The following LHFPL3 variants were observed in gnomAD, a reference collection of about 807,000 sequenced individuals.
LHFPL3 encodes the protein LHFPL tetraspan subfamily member 3 protein.
In LHFPL3, 5 loss-of-function variants were observed where a neutral mutation model predicts 19.3. The observed-to-expected ratio is 0.26, with a 90% CI of 0.14 to 0.54. LHFPL3 has a LOEUF of 0.54. Among genes scored for constraint, LHFPL3 ranks in the 20% least tolerant of loss-of-function variants. The pLI, the probability that LHFPL3 is intolerant of heterozygous loss-of-function variation, is 0.94. For missense variants in LHFPL3, 249 were observed against 307.4 expected, an observed-to-expected ratio of 0.81 and a Z score of 1.42; for synonymous variants, 133 against 126.2, an observed-to-expected ratio of 1.05 and a Z score of -0.36.
At chr7:104,884,985 GGGAGAGGGAAGA>G (rs1337865749) in intron 2 of LHFPL3, among the ~76,000 whole-genome samples, 1 of 152,158 alleles carries the variant, frequency 6.6e-6, no homozygotes, top group African/African-American at 2.4e-5. Flanking sequence ...CAGCAGGCAG[GGGAGAGGGAAGA>G]GGAGAGGAAG....
intron 1 of LHFPL3, among the ~76,000 whole-genome samples, chr7:104,463,117 A>G (rs146907078): frequency 7.1e-4 from 108 of 152,124 alleles, no homozygotes; most frequent in African/African-American, 2.3e-3. Context: ...GTTTATTTGA[A>G]TCTTCTCTCC....
At chr7:104,637,329 T>C (rs1390722354) in intron 1 of LHFPL3, among the ~76,000 whole-genome samples, 1 of 152,190 alleles carries the variant, frequency 6.6e-6, no homozygotes, top group Non-Finnish European at 1.5e-5. Context: ...ATTCTAACAG[T>C]TGTCTCTTTA....
At chr7:104,499,893 A>G (rs1793567317) in intron 1 of LHFPL3, among the ~76,000 whole-genome samples, 1 of 152,258 alleles carries the variant, frequency 6.6e-6, no homozygotes, top group Non-Finnish European at 1.5e-5. Context: ...AAAGGAAAAT[A>G]CTGCTGGAAA....
chr7:104,510,882 A>T (rs1284535345), intron 1 of LHFPL3, among the ~76,000 whole-genome samples: 2 of 152,082 alleles, frequency 1.3e-5, no homozygotes, highest in East Asian at 3.9e-4. Context: ...CAGAACAATA[A>T]ACACCGGGGC....
intron 2 of LHFPL3, among the ~76,000 whole-genome samples, chr7:104,776,841 A>C (rs1794644133): frequency 6.6e-6 from 1 of 152,232 alleles, no homozygotes; most frequent in Non-Finnish European, 1.5e-5. Context: ...CATTGTAAAA[A>C]ACAATCATGG....
chr7:104,358,318 T>C lies in LHFPL3; in HGVS notation c.445+29094T>C, dbSNP rs1279412773. 2.0e-5 allele frequency among the ~76,000 whole-genome samples: 3 copies of C among 152,248 alleles called. No homozygotes were observed. In the East Asian group the frequency reaches 5.8e-4, roughly 29 times the overall value. ...AAATGTAAATTTTATGCCAAGTGTA[T>C]TATTACTGTGTGTATAAAAAATAAT... is the stretch of plus-strand genomic sequence containing the variant. On this transcript the variant is annotated intron_variant, in intron 1 of 2. Transcript: ENST00000424859.
chr7:104,729,700 T>C (rs1372667940), intron 1 of LHFPL3, among the ~76,000 whole-genome samples: 1 of 152,110 alleles, frequency 6.6e-6, no homozygotes, highest in East Asian at 1.9e-4. Context: ...ATGAAAGGAT[T>C]TCATTTTTTG....
intron 1 of LHFPL3, among the ~76,000 whole-genome samples, chr7:104,563,387 C>T (rs1360149510): frequency 6.6e-6 from 1 of 152,308 alleles, no homozygotes; most frequent in Admixed American, 6.5e-5. Flanking sequence ...TCTCGTGGTG[C>T]ACCGTTTTTT....
At chr7:104,462,271 A>G (rs1205622792) in intron 1 of LHFPL3, among the ~76,000 whole-genome samples, 1 of 152,184 alleles carries the variant, frequency 6.6e-6, no homozygotes, top group Non-Finnish European at 1.5e-5. Context: ...AGGACTTCCA[A>G]TACTACATTG....
intron 1 of LHFPL3, among the ~76,000 whole-genome samples, chr7:104,648,173 C>T (rs189280809): frequency 1.4e-3 from 219 of 152,330 alleles, no homozygotes; most frequent in Admixed American, 3.4e-3. Context: ...ACCTCTCTTA[C>T]GTAGGAAGCC....
chr7:104,522,148 C>A (rs1794078416), intron 1 of LHFPL3, among the ~76,000 whole-genome samples: 1 of 151,964 alleles, frequency 6.6e-6, no homozygotes, highest in Admixed American at 6.6e-5. Context: ...AAATGTCCAA[C>A]AATGATAGAC....
Position 104,758,448 on chromosome 7 carries a change from G to A in LHFPL3, c.682+21537G>A, listed in dbSNP as rs1794321786. 2.6e-5 allele frequency among the ~76,000 whole-genome samples: 4 copies of A among 152,122 alleles called. No individual in the cohort carries two copies. In the South Asian group the frequency reaches 8.3e-4, roughly 32 times the overall value. On this transcript the variant is annotated intron_variant, in intron 2 of 2. Coordinates refer to ENST00000424859, the MANE Select transcript of LHFPL3 (RefSeq NM_199000.3). ...AAACATAATCATGGCTGTATAGAGG[G>A]GCTTGTCATTTATAGCAATTTTAGT...
At chr7:104,394,314 T>C (rs1791140246) in intron 1 of LHFPL3, among the ~76,000 whole-genome samples, 1 of 152,214 alleles carries the variant, frequency 6.6e-6, no homozygotes, top group African/African-American at 2.4e-5. Context: ...CCTCTGGTCC[T>C]CAAATGAACA....
chr7:104,347,268 A>T (rs1053069116), intron 1 of LHFPL3, among the ~76,000 whole-genome samples: 1 of 152,020 alleles, frequency 6.6e-6, no homozygotes, highest in African/African-American at 2.4e-5. Context: ...AAAAAAAATC[A>T]TGCACATTTT....
chr7:104,331,729 C>A (rs1051137967), intron 1 of LHFPL3, among the ~76,000 whole-genome samples: 1 of 152,194 alleles, frequency 6.6e-6, no homozygotes, highest in East Asian at 1.9e-4. Flanking sequence ...GTAGGTGGAT[C>A]ATTTGAGGTC....
At chr7:104,522,263 C>G (rs1030745260) in intron 1 of LHFPL3, among the ~76,000 whole-genome samples, 2 of 151,764 alleles carry the variant, frequency 1.3e-5, no homozygotes, top group Admixed American at 6.6e-5. Flanking sequence ...TGGAAATCAT[C>G]ATTCTCAGTA....
chr7:104,384,701 C>T (rs1016314790), intron 1 of LHFPL3, among the ~76,000 whole-genome samples: 7 of 148,658 alleles, frequency 4.7e-5, no homozygotes, highest in African/African-American at 1.5e-4. Flanking sequence ...GCAGGAGAAT[C>T]ACTTGAACCT....
At chr7:104,480,965 G>A (rs1793123773) in intron 1 of LHFPL3, among the ~76,000 whole-genome samples, 1 of 152,194 alleles carries the variant, frequency 6.6e-6, no homozygotes, top group Admixed American at 6.5e-5. Context: ...GGAACCACCT[G>A]TGGGGAGTAA....
At chr7:104,617,971 C>G (rs1279576106) in intron 1 of LHFPL3, among the ~76,000 whole-genome samples, 1 of 152,164 alleles carries the variant, frequency 6.6e-6, no homozygotes, top group Non-Finnish European at 1.5e-5. Context: ...CAAGAACTCA[C>G]CGGCAAGTCA....
Sources: gnomAD v4.1 joint callset for allele counts (sites outside exome capture counted in the v4.1 genomes callset) on GRCh38, gnomAD v4.1.1 for gene constraint, MANE v1.5 for transcripts, NCBI Gene and HGNC (gene_info 2026-07-23, HGNC 2026-07-21) for gene names.